The following MTA3 variants were observed in gnomAD, a reference collection of about 807,000 sequenced individuals.
The protein encoded by MTA3 is metastasis-associated protein MTA3.
Under a neutral mutation model 83.5 loss-of-function variants are expected in MTA3, and 34 were observed. The observed-to-expected ratio is 0.41, with a 90% CI of 0.31 to 0.54. The LOEUF is 0.54. Ranked by LOEUF, MTA3 falls within the 20% of genes least tolerant of loss-of-function variation. The probability of loss-of-function intolerance (pLI) is 0.33; values close to 1 mark genes in which losing one functional copy is unlikely to be tolerated. For synonymous variants in MTA3, 303 were observed against 252.7 expected (o/e 1.20, Z -1.89); for missense variants, 761 against 726.4 (o/e 1.05, Z -0.55).
chr2:42,733,776 A>C (rs898559960), intron 16 of MTA3, among the ~76,000 whole-genome samples: 1 of 152,178 alleles, frequency 6.6e-6, no homozygotes, highest in African/African-American at 2.4e-5. Context: ...CTGGGATTAC[A>C]GGTATGAGCC....
chr2:42,647,155 T>TAAAAAAAAAAAACAAAACAAAAAAAACA (rs1688281746), intron 6 of MTA3, among the ~76,000 whole-genome samples: 1 of 92,076 alleles, frequency 1.1e-5, no homozygotes, highest in African/African-American at 5.1e-5. Context: ...AGACTCTGTC[T>TAAAAAAAAAAAACAAAACAAAAAAAACA]AAAAAAAAAA....
intron 4 of MTA3, among the ~76,000 whole-genome samples, chr2:42,618,344 A>G (rs1685155715): frequency 6.6e-6 from 1 of 152,174 alleles, no homozygotes; most frequent in Admixed American, 6.5e-5. Flanking sequence ...CATATTTCAA[A>G]TATTTTTGTT....
At chr2:42,516,575 C>T in intron 2 of MTA3, among the ~76,000 whole-genome samples, 1 of 152,144 alleles carries the variant, frequency 6.6e-6, no homozygotes, top group East Asian at 1.9e-4. Flanking sequence ...CAATATCCTG[C>T]ACTAGGAAAG....
chr2:42,754,292 GCAGA>G lies in MTA3; in HGVS notation c.*899_*902del, dbSNP rs1670093071. The G allele has an allele frequency of 1.0e-6, 1 of 985,442 alleles. No homozygotes were observed. The highest frequency in any genetic ancestry group is 1.7e-5 in the African/African-American group (1 of 57,356). 61.0% of individuals were successfully genotyped at this position (985,442 alleles called of 1,614,324 possible). A position where few individuals can be genotyped will look rare whatever the true frequency, so the allele number is the denominator to read the frequency against. ...CACAAATGACCTAGTTTCATTTTAA[GCAGA>G]CAGACTCTGTTTGGCCTAGAGGTGT... On this transcript the variant is annotated 3_prime_UTR_variant, in exon 17 of 17. Transcript: ENST00000405094.
At chr2:42,589,246 A>G (rs1259242381) in intron 3 of MTA3, among the ~76,000 whole-genome samples, 2 of 152,200 alleles carry the variant, frequency 1.3e-5, no homozygotes, top group Non-Finnish European at 2.9e-5. Context: ...TTTGTGTTTT[A>G]AATTTATGTC....
chr2:42,517,879 A>AAAAG (rs1553336635), intron 2 of MTA3, among the ~76,000 whole-genome samples: 4 of 150,974 alleles, frequency 2.6e-5, no homozygotes, highest in African/African-American at 9.7e-5. Context: ...AAAAAAAAAA[A>AAAAG]AAGAAGAAAA....
chr2:42,729,098 T>TTTTTG lies in MTA3; in HGVS notation c.1759+6067_1759+6068insGTTTT, dbSNP rs1344860391. On this transcript the variant is annotated intron_variant, in intron 16 of 16. Coordinates refer to ENST00000405094, the MANE Select transcript of MTA3 (RefSeq NM_001330442.2). ...TTTCACAGTTTGAGTTTTTTTTTTT[T>TTTTTG]TTTTTTTTTTTTTTTCACAGAGTCA... 7.8e-4 allele frequency among the ~76,000 whole-genome samples: 95 copies of TTTTTG among 122,072 alleles called. 3 individuals are homozygous for TTTTTG. The South Asian group carries it at 0.013, about 17-fold the overall frequency. 80.1% of individuals were successfully genotyped at this position (122,072 alleles called of 152,430 possible).
chr2:42,672,645 CAAAAAAAAAAAAAA>C (rs5830734), intron 8 of MTA3, among the ~76,000 whole-genome samples: 7 of 51,548 alleles, frequency 1.4e-4, no homozygotes, highest in African/African-American at 5.3e-4. Flanking sequence ...ATTCCATCTC[CAAAAAAAAAAAAAA>C]AAAAAAAAAA....
At chr2:42,742,149 T>C (rs1669084967) in intron 16 of MTA3, among the ~76,000 whole-genome samples, 1 of 151,934 alleles carries the variant, frequency 6.6e-6, no homozygotes, top group African/African-American at 2.4e-5. Flanking sequence ...TTTCTTTTTT[T>C]TTTTTTTGAG....
intron 8 of MTA3, among the ~76,000 whole-genome samples, chr2:42,661,523 A>G (rs1343417634): frequency 4.1e-5 from 6 of 147,994 alleles, no homozygotes; most frequent in East Asian, 3.9e-4. Context: ...AAAAAAAAAA[A>G]AAAAAGAAAA....
intron 2 of MTA3, among the ~76,000 whole-genome samples, chr2:42,578,448 A>G (rs977056304): frequency 1.3e-5 from 2 of 152,220 alleles, no homozygotes; most frequent in African/African-American, 4.8e-5. Flanking sequence ...AGTGTTCATA[A>G]CTCAAGGTTT....
At chr2:42,570,406 A>T (rs929408861) in intron 1 of MTA3, 31 bp from the exon 2 acceptor site, 1 of 1,368,506 alleles carries the variant, frequency 7.3e-7, no homozygotes, top group African/African-American at 1.5e-5. Context: ...TCTGTTAAAA[A>T]GATTAAGTTC....
rs950881950 is a variant in MTA3, at chr2:42,727,766, A to G, written c.1759+4731A>G. ...ATACAGATGACATTTGCCTTACAGA[A>G]TTGATCTTACGATTGAAAATTTTCA... On this transcript the variant is annotated intron_variant, in intron 16 of 16. Transcript: ENST00000405094. Among the ~76,000 whole-genome samples, 7 of 152,146 alleles carry G rather than the reference A, an allele frequency of 4.6e-5. 1 individual carries two copies. Among genetic ancestry groups the G allele is most frequent in the Admixed American group, 4.6e-4 (7 of 15,278 alleles).
chr2:42,514,304 A>G (rs1675035378), intron 2 of MTA3, among the ~76,000 whole-genome samples: 1 of 152,214 alleles, frequency 6.6e-6, no homozygotes, highest in Admixed American at 6.5e-5. Flanking sequence ...GTGCTTTGTT[A>G]GCTCACTATT....
intron 4 of MTA3, among the ~76,000 whole-genome samples, chr2:42,616,051 A>T (rs994901923): frequency 6.0e-5 from 9 of 150,644 alleles, no homozygotes; most frequent in Non-Finnish European, 1.0e-4. Flanking sequence ...ACTGGCCGCT[A>T]ATAATCTCTT....
chr2:42,570,138 A>AC (rs1255978938), intron 1 of MTA3, among the ~76,000 whole-genome samples: 1 of 152,130 alleles, frequency 6.6e-6, no homozygotes, highest in African/African-American at 2.4e-5. Flanking sequence ...GCGTGCCCTG[A>AC]CTACACAGTG....
intron 4 of MTA3, among the ~76,000 whole-genome samples, chr2:42,637,441 G>A (rs1160924822): frequency 1.3e-5 from 2 of 152,174 alleles, no homozygotes; most frequent in African/African-American, 4.8e-5. Context: ...CCTTTAGGTT[G>A]GGGTTAGCTT....
At chr2:42,726,904 G>GTA (rs1478496940) in intron 16 of MTA3, among the ~76,000 whole-genome samples, 1 of 152,182 alleles carries the variant, frequency 6.6e-6, no homozygotes, top group African/African-American at 2.4e-5. Flanking sequence ...GATGAAAGAT[G>GTA]TATACATAGG....
chr2:42,518,503 A>G (rs1675259277), intron 2 of MTA3, among the ~76,000 whole-genome samples: 1 of 152,238 alleles, frequency 6.6e-6, no homozygotes, highest in South Asian at 2.1e-4. Context: ...GCCAAAGTAT[A>G]AAATAAATAT....
Sources: allele counts gnomAD v4.1 joint callset (sites outside exome capture counted in the v4.1 genomes callset), GRCh38; gene constraint gnomAD v4.1.1; transcripts MANE v1.5; gene names NCBI Gene and HGNC (gene_info 2026-07-23, HGNC 2026-07-21).